Variants in AGBL1 observed in about 807,000 individuals in gnomAD.
AGBL1 encodes the protein AGBL carboxypeptidase 1.
AGBL1 carries 130 observed loss-of-function variants against 118.9 expected under a neutral mutation model. The ratio of observed to expected loss-of-function variants is 1.09; its 90% CI spans 0.95 to 1.26. The LOEUF (loss-of-function observed/expected upper bound fraction) is 1.26. AGBL1 is among the 50% of genes most tolerant of loss of function. The probability of loss-of-function intolerance (pLI) is 0.00; values close to 1 mark genes in which losing one functional copy is unlikely to be tolerated. For synonymous variants in AGBL1, 555 were observed against 478.9 expected (o/e 1.16, Z -2.08); for missense variants, 1,584 against 1,298.1 (o/e 1.22, Z -3.38).
intron 22 of AGBL1, among the ~76,000 whole-genome samples, chr15:86,795,493 T>C (rs1471466285): frequency 1.3e-5 from 2 of 151,954 alleles, no homozygotes; most frequent in East Asian, 3.9e-4. Flanking sequence ...AATGTGATGT[T>C]CAGGAGTTCA....
At chr15:86,848,834 A>G (rs952140921) in intron 22 of AGBL1, among the ~76,000 whole-genome samples, 2 of 152,208 alleles carry the variant, frequency 1.3e-5, no homozygotes, top group Non-Finnish European at 2.9e-5. Flanking sequence ...CATAGGGGAA[A>G]AGGAGATTGT....
chr15:86,217,717 C>G (rs1216024149), intron 5 of AGBL1, among the ~76,000 whole-genome samples: 2 of 152,166 alleles, frequency 1.3e-5, no homozygotes, highest in Admixed American at 6.6e-5. Context: ...GGTACATGCT[C>G]TAGGTCTTGG....
intron 21 of AGBL1, among the ~76,000 whole-genome samples, chr15:86,651,821 A>C (rs2085376065): frequency 6.6e-6 from 1 of 152,252 alleles, no homozygotes; most frequent in Non-Finnish European, 1.5e-5. Flanking sequence ...TGTCTGACAA[A>C]GTATTGTCTT....
Position 86,149,937 on chromosome 15 carries a change from A to G in AGBL1, c.263-4493A>G, listed in dbSNP as rs529624313. Among the ~76,000 whole-genome samples the G allele has an allele frequency of 2.0e-5, 3 of 152,368 alleles. No individual in the cohort carries two copies. In the East Asian group the frequency reaches 5.8e-4, roughly 29 times the overall value. Reference sequence around the variant, plus strand: ...ATCACAACAAACTGTCTCTCAGACCACAGTGTAATCAAATTAGAACTCAGG... The same window carrying G: ...ATCACAACAAACTGTCTCTCAGACCGCAGTGTAATCAAATTAGAACTCAGG... On this transcript the variant is annotated intron_variant, in intron 3 of 22. Transcript: ENST00000614907.
At chr15:87,026,687 A>T (rs1167145674) in intron 24 of AGBL1, among the ~76,000 whole-genome samples, 1 of 151,152 alleles carries the variant, frequency 6.6e-6, no homozygotes, top group Non-Finnish European at 1.5e-5. Flanking sequence ...ACTTGCACAC[A>T]CATGTTTATA....
chr15:86,783,611 C>T (rs935478692), intron 22 of AGBL1, among the ~76,000 whole-genome samples: 2 of 152,088 alleles, frequency 1.3e-5, no homozygotes, highest in African/African-American at 4.8e-5. Flanking sequence ...CTGTGAGGTT[C>T]TTTGGGACTC....
intron 21 of AGBL1, among the ~76,000 whole-genome samples, chr15:86,604,687 T>A (rs1490701949): frequency 6.6e-6 from 1 of 152,182 alleles, no homozygotes; most frequent in Non-Finnish European, 1.5e-5. Context: ...TCTTAGTAGT[T>A]GGATAGGCAG....
chr15:86,335,191 T>G (rs970192796), intron 17 of AGBL1, among the ~76,000 whole-genome samples: 2 of 150,830 alleles, frequency 1.3e-5, no homozygotes, highest in Non-Finnish European at 2.9e-5. Context: ...CAGGCTGGAG[T>G]GTAGTGGCGT....
At chr15:86,207,168 A>T (rs180845815) in intron 5 of AGBL1, among the ~76,000 whole-genome samples, 7 of 152,160 alleles carry the variant, frequency 4.6e-5, no homozygotes, top group African/African-American at 1.7e-4. Context: ...CCATTGGTCT[A>T]TCTCTCTGTT....
intron 17 of AGBL1, among the ~76,000 whole-genome samples, chr15:86,343,587 G>A (rs1234943504): frequency 6.6e-6 from 1 of 152,162 alleles, no homozygotes; most frequent in Non-Finnish European, 1.5e-5. Context: ...AATCCAAATA[G>A]CATTGAAATC....
intron 17 of AGBL1, among the ~76,000 whole-genome samples, chr15:86,390,497 A>C (rs2081259937): frequency 6.6e-6 from 1 of 152,046 alleles, no homozygotes; most frequent in African/African-American, 2.4e-5. Flanking sequence ...GTCTATCAAG[A>C]GGTAAGAGAA....
chr15:86,200,551 C>A (rs1281266196), intron 5 of AGBL1, among the ~76,000 whole-genome samples: 2 of 24,078 alleles, frequency 8.3e-5, no homozygotes, highest in Non-Finnish European at 1.4e-4. Context: ...TAGACCCCTA[C>A]CCCCCCCCCC....
chr15:86,941,751 G>T (rs1443577408), intron 23 of AGBL1, among the ~76,000 whole-genome samples: 1 of 152,174 alleles, frequency 6.6e-6, no homozygotes, highest in East Asian at 1.9e-4. Flanking sequence ...GCCAGGCAAG[G>T]TGCCAGCCAT....
intron 22 of AGBL1, among the ~76,000 whole-genome samples, chr15:86,866,578 G>T (rs1008806956): frequency 6.6e-6 from 1 of 152,226 alleles, no homozygotes; most frequent in Non-Finnish European, 1.5e-5. Flanking sequence ...CTCTGGCCGG[G>T]TGTGGTGGCT....
chr15:86,393,222 C>T (rs899419276), intron 17 of AGBL1, among the ~76,000 whole-genome samples: 2 of 152,120 alleles, frequency 1.3e-5, no homozygotes, highest in African/African-American at 2.4e-5. Context: ...CTTGACTCTC[C>T]AATGGAAAGA....
chr15:86,334,761 A>G (rs2080332975), intron 17 of AGBL1, among the ~76,000 whole-genome samples: 1 of 152,218 alleles, frequency 6.6e-6, no homozygotes, highest in Non-Finnish European at 1.5e-5. Context: ...ACTTCTAACT[A>G]TACTATAAGG....
intron 1 of AGBL1, among the ~76,000 whole-genome samples, chr15:86,124,912 A>C (rs541388138): frequency 1.3e-5 from 2 of 152,214 alleles, no homozygotes; most frequent in Non-Finnish European, 2.9e-5. Flanking sequence ...CATAAAGCTG[A>C]TTGATGTTAG....
At chr15:86,877,183 C>T (rs1379527278) in intron 22 of AGBL1, among the ~76,000 whole-genome samples, 1 of 152,096 alleles carries the variant, frequency 6.6e-6, no homozygotes, top group Non-Finnish European at 1.5e-5. Flanking sequence ...TTCCTGTGCT[C>T]ACTGAGATCT....
At chr15:86,490,889 G>A (rs2082769440) in intron 18 of AGBL1, among the ~76,000 whole-genome samples, 1 of 152,064 alleles carries the variant, frequency 6.6e-6, no homozygotes, top group South Asian at 2.1e-4. Context: ...TAACTTCTGT[G>A]AGCTTCAGTC....
Sources: gnomAD v4.1 joint callset for allele counts (sites outside exome capture counted in the v4.1 genomes callset) on GRCh38, gnomAD v4.1.1 for gene constraint, MANE v1.5 for transcripts, NCBI Gene and HGNC (gene_info 2026-07-23, HGNC 2026-07-21) for gene names.